Variants in ROBO1 observed in about 807,000 individuals in gnomAD.
ROBO1 encodes the protein roundabout homolog 1.
Under a neutral mutation model 195.9 loss-of-function variants are expected in ROBO1, and 149 were observed. That is an observed-to-expected ratio of 0.76 (90% CI 0.67 to 0.87). The LOEUF is 0.87. ROBO1 is among the 40% of genes least tolerant of loss of function. The pLI is 0.00. For missense variants in ROBO1, 1,933 were observed against 2,068.3 expected, an observed-to-expected ratio of 0.93 and a Z score of 1.27; for synonymous variants, 816 against 733.2, an observed-to-expected ratio of 1.11 and a Z score of -1.82.
intron 4 of ROBO1, among the ~76,000 whole-genome samples, chr3:78,900,243 C>T (rs965273811): frequency 2.0e-5 from 3 of 152,056 alleles, no homozygotes; most frequent in African/African-American, 7.2e-5. Flanking sequence ...ATTTGGTTTG[C>T]CAGGGGAATT....
chr3:79,705,136 A>G (rs2107185409), intron 1 of ROBO1, among the ~76,000 whole-genome samples: 1 of 151,758 alleles, frequency 6.6e-6, no homozygotes, highest in African/African-American at 2.4e-5. Context: ...TGGCTTGTCT[A>G]CTCGTTCTCT....
chr3:79,218,410 G>A (rs1466539804), intron 2 of ROBO1, among the ~76,000 whole-genome samples: 2 of 151,824 alleles, frequency 1.3e-5, no homozygotes, highest in Admixed American at 6.6e-5. Flanking sequence ...TATAGTACCT[G>A]CCTGGACCCT....
intron 3 of ROBO1, among the ~76,000 whole-genome samples, chr3:79,114,616 A>G (rs2079956871): frequency 6.6e-6 from 1 of 152,190 alleles, no homozygotes. Flanking sequence ...TCCATGGATA[A>G]GAGATAAATC....
At chr3:78,683,017 A>G (rs1000079718) in intron 10 of ROBO1, among the ~76,000 whole-genome samples, 5 of 151,894 alleles carry the variant, frequency 3.3e-5, no homozygotes, top group Non-Finnish European at 5.9e-5. Flanking sequence ...GTGACCTCCA[A>G]TATAGTGAGC....
At chr3:79,369,319 TG>T (rs1252994826) in intron 2 of ROBO1, among the ~76,000 whole-genome samples, 19 of 152,166 alleles carry the variant, frequency 1.2e-4, no homozygotes, top group Admixed American at 3.3e-4. Context: ...AAAATAAACA[TG>T]GGCACAACTC....
chr3:78,866,616 A>C (rs2107082787), intron 4 of ROBO1, among the ~76,000 whole-genome samples: 1 of 152,290 alleles, frequency 6.6e-6, no homozygotes, highest in Non-Finnish European at 1.5e-5. Flanking sequence ...TTGTAGGGTA[A>C]ATTTGCATAG....
chr3:79,344,406 A>G (rs1373985024), intron 2 of ROBO1, among the ~76,000 whole-genome samples: 2 of 152,174 alleles, frequency 1.3e-5, no homozygotes, highest in East Asian at 3.9e-4. Flanking sequence ...TCCACAGCAA[A>G]GAACGATTGG....
chr3:79,170,533 C>A (rs75455493), intron 2 of ROBO1, among the ~76,000 whole-genome samples: 13,427 of 152,038 alleles, frequency 0.088, 1,015 homozygotes, highest in African/African-American at 0.2. Flanking sequence ...AGCCTTGCCC[C>A]TAAATTTAAA....
intron 1 of ROBO1, among the ~76,000 whole-genome samples, chr3:79,761,824 G>A (rs2107524144): frequency 6.6e-6 from 1 of 152,206 alleles, no homozygotes; most frequent in East Asian, 1.9e-4. Flanking sequence ...GCTAAATTAA[G>A]TGCCATATTG....
At chr3:79,462,164 G>A (rs796716787) in intron 2 of ROBO1, among the ~76,000 whole-genome samples, 15 of 152,148 alleles carry the variant, frequency 9.9e-5, no homozygotes, top group African/African-American at 3.6e-4. Flanking sequence ...TTTTTTCCAA[G>A]ATGAGAACCC....
At chr3:79,668,553 G>A (rs367870976) in intron 1 of ROBO1, among the ~76,000 whole-genome samples, 8 of 151,550 alleles carry the variant, frequency 5.3e-5, no homozygotes, top group Admixed American at 3.3e-4. Flanking sequence ...GCAATTCCTT[G>A]CATCAGAGGA....
At chr3:79,333,350 A>G (rs1245661511) in intron 2 of ROBO1, among the ~76,000 whole-genome samples, 1 of 152,186 alleles carries the variant, frequency 6.6e-6, no homozygotes, top group Non-Finnish European at 1.5e-5. Context: ...TAAATCACAC[A>G]TATCCTTATC....
chr3:78,975,101 T>A (rs1041838053), intron 3 of ROBO1, among the ~76,000 whole-genome samples: 3 of 152,070 alleles, frequency 2.0e-5, no homozygotes, highest in African/African-American at 7.2e-5. Context: ...AAAATGGGAA[T>A]GAAAGCAGGA....
chr3:78,985,524 G>C (rs1314464311), intron 3 of ROBO1, among the ~76,000 whole-genome samples: 1 of 151,978 alleles, frequency 6.6e-6, no homozygotes, highest in East Asian at 1.9e-4. Context: ...GTTGTTCTAG[G>C]GTCAACTGTA....
rs1392729081 is a variant in ROBO1 at position 78,662,098 on chromosome 3, A to C, written c.1983T>G (p.Ser661Arg). Residue 661 changes from serine (S) to arginine (R), a missense_variant, in exon 15 of 31, where the codon AGT (serine) becomes AGG (arginine). Around this residue, in one of 3 missense-constraint regions of ROBO1, gnomAD observed 1,737 missense variants for 1,882.5 expected, o/e 0.92. Transcript: ENST00000464233. ...GGACCTGCTTGTGGTCCACCCCCTG[A>C]CTTGTTGGTAGGACATCTACAACAA... The part of the protein sequence containing the change: ...PVKTQDVLPT[S>R]QGVDHKQVQR... The C allele has an allele frequency of 6.4e-7, 1 of 1,563,502 alleles. No individual in the cohort carries two copies. Among genetic ancestry groups the C allele is most frequent in the Admixed American group, 1.9e-5 (1 of 52,122 alleles).
At chr3:79,442,855 T>C (rs11925690) in intron 2 of ROBO1, among the ~76,000 whole-genome samples, 5,224 of 152,226 alleles carry the variant, frequency 0.034, 206 homozygotes, top group African/African-American at 0.098. Flanking sequence ...AAACATTTTT[T>C]CTAAGGGAAA....
intron 2 of ROBO1, among the ~76,000 whole-genome samples, chr3:79,245,537 G>T (rs2082607852): frequency 6.6e-6 from 1 of 151,912 alleles, no homozygotes; most frequent in Admixed American, 6.6e-5. Flanking sequence ...TATGTGTTGG[G>T]GATGGTGGGG....
chr3:79,330,180 G>A (rs1258860172), intron 2 of ROBO1, among the ~76,000 whole-genome samples: 2 of 150,606 alleles, frequency 1.3e-5, no homozygotes, highest in Non-Finnish European at 3.0e-5. Flanking sequence ...GAGGCGGGGA[G>A]GTTTAGGCAA....
intron 24 of ROBO1, among the ~76,000 whole-genome samples, chr3:78,632,893 C>T (rs1240581394): frequency 6.6e-6 from 1 of 152,030 alleles, no homozygotes; most frequent in Non-Finnish European, 1.5e-5. Flanking sequence ...TCAGGATTGA[C>T]TTAGCTTCAA....
Sources: gnomAD v4.1 joint callset for allele counts (sites outside exome capture counted in the v4.1 genomes callset) on GRCh38, gnomAD v4.1.1 for gene constraint, gnomAD v4.1.1 regional missense constraint, MANE v1.5 for transcripts, NCBI Gene and HGNC (gene_info 2026-07-23, HGNC 2026-07-21) for gene names.